NRG1: variants seen among roughly 807,000 people sequenced by gnomAD.
NRG1 encodes neuregulin 1.
NRG1 carries 18 observed loss-of-function variants against 63.8 expected under a neutral mutation model. The ratio of observed to expected loss-of-function variants is 0.28; its 90% confidence interval spans 0.19 to 0.42. The LOEUF (loss-of-function observed/expected upper bound fraction) is 0.42. Among genes scored for constraint, NRG1 ranks in the 10% least tolerant of loss-of-function variants. NRG1 has a pLI of 1.00. For synonymous variants in NRG1, 302 were observed against 301.3 expected (o/e 1.00, Z -0.02); for missense variants, 762 against 814.7 (o/e 0.94, Z 0.79).
At chr8:32,647,302 A>G in intron 5 of NRG1, 1 of 985,294 alleles carries the variant, frequency 1.0e-6, no homozygotes, top group Non-Finnish European at 1.2e-6. Flanking sequence ...CTCCTGCATG[A>G]CAGTTGTTTT....
intron 1 of NRG1, among the ~76,000 whole-genome samples, chr8:32,180,920 T>C (rs1250593443): frequency 1.3e-5 from 2 of 152,144 alleles, no homozygotes; most frequent in African/African-American, 2.4e-5. Flanking sequence ...TCCACCACTC[T>C]CTGTCCTGAG....
intron 1 of NRG1, among the ~76,000 whole-genome samples, chr8:32,576,736 T>C (rs1290062182): frequency 6.6e-6 from 1 of 152,024 alleles, no homozygotes; most frequent in Non-Finnish European, 1.5e-5. Context: ...AAAAGGCAGA[T>C]TCTTTTTTCC....
chr8:32,329,404 C>T (rs990494097), intron 1 of NRG1, among the ~76,000 whole-genome samples: 1 of 152,078 alleles, frequency 6.6e-6, no homozygotes, highest in Admixed American at 6.5e-5. Flanking sequence ...TTTCTGTTCA[C>T]AAGTCTAGGT....
At chr8:31,642,479 G>T (rs937017188) in intron 1 of NRG1, among the ~76,000 whole-genome samples, 2 of 152,118 alleles carry the variant, frequency 1.3e-5, no homozygotes, top group African/African-American at 2.4e-5. Flanking sequence ...AGACTTGAGA[G>T]GTAAAGTTCT....
intron 1 of NRG1, among the ~76,000 whole-genome samples, chr8:32,502,620 T>G (rs984974807): frequency 1.5e-4 from 23 of 151,526 alleles, no homozygotes; most frequent in Non-Finnish European, 3.2e-4. Flanking sequence ...TTCGTCTTTC[T>G]TATTTAAATG....
At chr8:32,295,376 G>T (rs1438474867) in intron 1 of NRG1, among the ~76,000 whole-genome samples, 1 of 152,098 alleles carries the variant, frequency 6.6e-6, no homozygotes, top group Admixed American at 6.5e-5. Flanking sequence ...CCACAGAAGA[G>T]ATTCTGATGA....
intron 1 of NRG1, among the ~76,000 whole-genome samples, chr8:32,446,741 G>A (rs1168147915): frequency 1.3e-5 from 2 of 152,058 alleles, no homozygotes; most frequent in Non-Finnish European, 2.9e-5. Context: ...AAACTTTGGG[G>A]TCACCCTCTT....
At chr8:31,984,750 C>T (rs1407807940) in intron 1 of NRG1, among the ~76,000 whole-genome samples, 1 of 152,106 alleles carries the variant, frequency 6.6e-6, no homozygotes, top group African/African-American at 2.4e-5. Flanking sequence ...CTCAGCAATT[C>T]GTTCACTGGT....
chr8:32,591,430 G>T (rs773182723), intron 1 of NRG1, among the ~76,000 whole-genome samples: 10 of 152,064 alleles, frequency 6.6e-5, no homozygotes, highest in Non-Finnish European at 1.3e-4. Context: ...GGATCTGAAG[G>T]TCTCTGCCTC....
chr8:31,750,951 C>A (rs1371636365), intron 1 of NRG1, among the ~76,000 whole-genome samples: 1 of 151,964 alleles, frequency 6.6e-6, no homozygotes, highest in African/African-American at 2.4e-5. Context: ...CTAATAAAAA[C>A]TGGCATAATA....
rs374377158 is a variant in NRG1 at position 32,410,176 on chromosome 8, CTTTTTT to C, written c.38-185635_38-185630del. Among the ~76,000 whole-genome samples the C allele has an allele frequency of 8.2e-3, 811 of 99,328 alleles. 4 individuals carry two copies. The highest frequency in any genetic ancestry group is 0.012 in the Non-Finnish European group (636 of 51,012). 65.2% of individuals were successfully genotyped at this position (99,328 alleles called of 152,430 possible). On this transcript the variant is annotated intron_variant, in intron 1 of 10. Coordinates refer to the NRG1 transcript ENST00000519301. ...CCTAAGGAAAGGATCTTTTTCTTTC[CTTTTTT>C]TTTTTTTTTTTTTTTTGAGACATGG...
intron 1 of NRG1, among the ~76,000 whole-genome samples, chr8:31,645,136 A>G (rs1443372919): frequency 1.3e-5 from 2 of 152,188 alleles, no homozygotes; most frequent in Non-Finnish European, 2.9e-5. Context: ...TTGTGCATAC[A>G]TATTGTTACT....
intron 1 of NRG1, among the ~76,000 whole-genome samples, chr8:31,704,830 TAAAAAA>T (rs373101607): frequency 8.4e-6 from 1 of 118,844 alleles, no homozygotes; most frequent in Admixed American, 8.6e-5. Flanking sequence ...AGACTCCGTC[TAAAAAA>T]AAAAAAAAAA....
chr8:31,783,961 G>A (rs1049189031), intron 1 of NRG1, among the ~76,000 whole-genome samples: 10 of 151,978 alleles, frequency 6.6e-5, no homozygotes, highest in African/African-American at 1.5e-4. Flanking sequence ...AAACTAATTC[G>A]GATGGTACTA....
At chr8:32,588,440 C>T (rs1469041519) in intron 1 of NRG1, among the ~76,000 whole-genome samples, 1 of 152,070 alleles carries the variant, frequency 6.6e-6, no homozygotes, top group Non-Finnish European at 1.5e-5. Flanking sequence ...ATGTAAAATC[C>T]CCCACCAAAG....
intron 1 of NRG1, among the ~76,000 whole-genome samples, chr8:31,765,324 C>T (rs148590926): frequency 2.6e-4 from 39 of 152,098 alleles, no homozygotes; most frequent in African/African-American, 7.5e-4. Flanking sequence ...CCATTTATTT[C>T]GTTTTCTTGT....
chr8:32,772,023 CA>C (rs1394678476), downstream of NRG1, among the ~76,000 whole-genome samples: 2,838 of 24,902 alleles, frequency 0.11, 379 homozygotes, highest in East Asian at 0.61. Context: ...AACTCCGTCT[CA>C]AAAAAAAAAA....
At chr8:32,203,945 G>C (rs1368922467) in intron 1 of NRG1, among the ~76,000 whole-genome samples, 1 of 152,098 alleles carries the variant, frequency 6.6e-6, no homozygotes. Context: ...AGGATATATT[G>C]AGATACAAAA....
At chr8:31,982,283 G>A (rs327364) in intron 1 of NRG1, among the ~76,000 whole-genome samples, 3,263 of 152,172 alleles carry the variant, frequency 0.021, 105 homozygotes, top group African/African-American at 0.074. Context: ...TTCTTGCTAA[G>A]TCTTCCATGA....
Sources: gnomAD v4.1 joint callset for allele counts (sites outside exome capture counted in the v4.1 genomes callset) on GRCh38, gnomAD v4.1.1 for gene constraint, MANE v1.5 for transcripts, NCBI Gene and HGNC (gene_info 2026-07-23, HGNC 2026-07-21) for gene names.